Variants in ATE1 observed in about 807,000 individuals in gnomAD.
ATE1 encodes the protein arginyltransferase 1, also known as arginyl-tRNA--protein transferase 1.
ATE1 carries 36 observed loss-of-function variants against 70.5 expected under a neutral mutation model. The observed-to-expected ratio is 0.51, with a 90% CI of 0.39 to 0.67. The LOEUF (loss-of-function observed/expected upper bound fraction) is 0.67. ATE1 is among the 30% of genes least tolerant of loss of function. ATE1 has a pLI of 0.00. For synonymous variants in ATE1, 232 were observed against 219.3 expected (o/e 1.06, Z -0.51); for missense variants, 593 against 629.5 (o/e 0.94, Z 0.62).
chr10:121,898,860 T>G lies in ATE1; in HGVS notation c.942+1006A>C, dbSNP rs1272833977. On this transcript the variant is annotated intron_variant, in intron 7 of 11. Transcript: ENST00000224652. ...CAATACCTCAGTCTTCCCACATTCA[T>G]CGGGTGGATCCTGGTGTATGGCCAC... is the stretch of plus-strand genomic sequence containing the variant. 6 of 1,613,666 alleles carry G rather than the reference T, an allele frequency of 3.7e-6. No homozygotes were observed. The African/African-American group carries it at 6.7e-5, about 18-fold the overall frequency.
intron 11 of ATE1, among the ~76,000 whole-genome samples, chr10:121,754,051 G>A (rs1488236873): frequency 1.3e-5 from 2 of 152,164 alleles, no homozygotes; most frequent in East Asian, 1.9e-4. Context: ...GAGAAGACTA[G>A]AACAAACTGT....
chr10:121,805,849 T>A (rs1947075324), intron 10 of ATE1, among the ~76,000 whole-genome samples: 1 of 152,178 alleles, frequency 6.6e-6, no homozygotes, highest in East Asian at 1.9e-4. Context: ...ACTATATGAC[T>A]ATTTATATTA....
intron 10 of ATE1, among the ~76,000 whole-genome samples, chr10:121,803,042 G>C (rs1264098357): frequency 6.6e-6 from 1 of 152,146 alleles, no homozygotes; most frequent in Non-Finnish European, 1.5e-5. Context: ...TTTCCACAGA[G>C]GCCTATTCTA....
intron 11 of ATE1, among the ~76,000 whole-genome samples, chr10:121,761,957 A>C (rs1341797475): frequency 6.6e-6 from 1 of 152,070 alleles, no homozygotes. Flanking sequence ...TCCTTCTCTA[A>C]AGAGCATTTA....
At chr10:121,746,547 T>C (rs2135672237) in intron 11 of ATE1, among the ~76,000 whole-genome samples, 1 of 152,330 alleles carries the variant, frequency 6.6e-6, no homozygotes, top group South Asian at 2.1e-4. Context: ...TTTCTATAAA[T>C]CAACGGGACT....
intron 7 of ATE1, among the ~76,000 whole-genome samples, chr10:121,895,559 A>T (rs1950747908): frequency 6.6e-6 from 1 of 152,126 alleles, no homozygotes; most frequent in Admixed American, 6.5e-5. Context: ...GGTTGCAGTG[A>T]GCAGAGATCA....
chr10:121,893,608 A>G (rs1387541762), intron 7 of ATE1, among the ~76,000 whole-genome samples: 1 of 152,164 alleles, frequency 6.6e-6, no homozygotes, highest in Non-Finnish European at 1.5e-5. Context: ...CAAAAAAGGG[A>G]AAGAGGGACT....
intron 11 of ATE1, among the ~76,000 whole-genome samples, chr10:121,764,356 G>T (rs1450436730): frequency 6.6e-6 from 1 of 151,772 alleles, no homozygotes. Flanking sequence ...TTTTACAAAG[G>T]CTGGGCACAG....
At chr10:121,925,690 A>T (rs1482235757) in intron 1 of ATE1, among the ~76,000 whole-genome samples, 1 of 151,676 alleles carries the variant, frequency 6.6e-6, no homozygotes, top group African/African-American at 2.4e-5. Flanking sequence ...CCTGTGCAAC[A>T]TACCAAATCT....
intron 11 of ATE1, among the ~76,000 whole-genome samples, chr10:121,745,850 G>A (rs958927324): frequency 1.3e-5 from 2 of 152,302 alleles, no homozygotes; most frequent in South Asian, 2.1e-4. Flanking sequence ...AATGTCCATC[G>A]ATGGAGAACT....
intron 11 of ATE1, among the ~76,000 whole-genome samples, chr10:121,757,755 CACA>C (rs1381077712): frequency 6.6e-6 from 1 of 152,192 alleles, no homozygotes; most frequent in Non-Finnish European, 1.5e-5. Context: ...GGGTCCCTCC[CACA>C]ACATGTGAGA....
intron 5 of ATE1, among the ~76,000 whole-genome samples, chr10:121,903,693 C>CA (rs1951074756): frequency 6.6e-6 from 1 of 151,464 alleles, no homozygotes. Flanking sequence ...TCTCAAAAAA[C>CA]AAAAAAGGAA....
In ATE1 at chr10:121,801,473, A is replaced by G. The variant is rs185707749; in HGVS notation, c.1258-11184T>C. On this transcript the variant is annotated intron_variant, in intron 10 of 11. Transcript: ENST00000224652. ...AGGAGTCAACTTACGGCCCAAATTT[A>G]ATTTCAAACTGAAGGGTCGTAAGTT... Among the ~76,000 whole-genome samples, 331 of 152,304 alleles carry G rather than the reference A, an allele frequency of 2.2e-3. 2 individuals are homozygous for G. Among genetic ancestry groups the G allele is most frequent in the African/African-American group, 6.9e-3 (285 of 41,564 alleles).
At chr10:121,896,395 T>C (rs917917989) in intron 7 of ATE1, among the ~76,000 whole-genome samples, 7 of 152,220 alleles carry the variant, frequency 4.6e-5, no homozygotes, top group Non-Finnish European at 1.0e-4. Context: ...GAGAGATAGA[T>C]TAAACAAGAA....
intron 11 of ATE1, among the ~76,000 whole-genome samples, chr10:121,776,109 A>C (rs182699511): frequency 1.8e-4 from 27 of 152,362 alleles, no homozygotes; most frequent in African/African-American, 5.5e-4. Context: ...ACAATGTGTA[A>C]TGAATGATAA....
intron 10 of ATE1, among the ~76,000 whole-genome samples, chr10:121,813,872 A>G (rs940684822): frequency 1.3e-5 from 2 of 152,190 alleles, no homozygotes; most frequent in African/African-American, 4.8e-5. Flanking sequence ...AACCAGAAGA[A>G]AGTAACCCAG....
At chr10:121,871,357 G>A (rs535414589) in intron 7 of ATE1, among the ~76,000 whole-genome samples, 1 of 152,282 alleles carries the variant, frequency 6.6e-6, no homozygotes, top group South Asian at 2.1e-4. Flanking sequence ...TACTTGGGAG[G>A]CTGAGGCAGG....
At chr10:121,848,352 C>T (rs1948918861) in intron 8 of ATE1, among the ~76,000 whole-genome samples, 1 of 152,102 alleles carries the variant, frequency 6.6e-6, no homozygotes, top group African/African-American at 2.4e-5. Flanking sequence ...TGTGGTGGCT[C>T]ATGCGTGTAA....
At chr10:121,902,309 T>A in intron 6 of ATE1, 82 bp downstream of exon 6, 1 of 1,238,244 alleles carries the variant, frequency 8.1e-7, no homozygotes. Context: ...ATCAACTAAT[T>A]AGAACTTCAA....
Sources: gnomAD v4.1 joint callset for allele counts (sites outside exome capture counted in the v4.1 genomes callset) on GRCh38, gnomAD v4.1.1 for gene constraint, MANE v1.5 for transcripts, NCBI Gene and HGNC (gene_info 2026-07-23, HGNC 2026-07-21) for gene names.